Variants in ARL13A observed in about 807,000 individuals in gnomAD.
ARL13A encodes the protein ADP-ribosylation factor-like protein 13A.
In ARL13A, 16 loss-of-function variants were observed where a neutral mutation model predicts 19.1. That is an observed-to-expected ratio of 0.84 (90% CI 0.57 to 1.27). The LOEUF is 1.27. ARL13A is among the 50% of genes most tolerant of loss of function. The pLI, the probability that ARL13A is intolerant of heterozygous loss-of-function variation, is 0.00. For synonymous variants in ARL13A, 69 were observed against 71.3 expected (o/e 0.97, Z 0.17); for missense variants, 153 against 186.4 (o/e 0.82, Z 1.04).
Position 100,989,608 on chromosome X carries a change from C to CA in ARL13A, c.745-938dup, listed in dbSNP as rs200862950. Among the ~76,000 whole-genome samples the CA allele has an allele frequency of 4.7e-3, 268 of 57,203 alleles. 2 individuals are homozygous for CA. Among genetic ancestry groups the CA allele is most frequent in the Middle Eastern group, 0.013 (1 of 80 alleles). 49.7% of individuals were successfully genotyped at this position (57,203 alleles called of 115,157 possible). A position where few individuals can be genotyped will look rare whatever the true frequency, so the allele number is the denominator to read the frequency against. ...CTGGCAACAGAGCGGGACTCCATCT[C>CA]AAAAAAAAAAAAAAAAGACATTTTC... On this transcript the variant is annotated intron_variant, in intron 7 of 7. Transcript: ENST00000450049.
In ARL13A at chrX:100,987,371, C is replaced by G. The variant is rs750418751; in HGVS notation, c.487-19C>G. On this transcript the variant is annotated intron_variant, in intron 5 of 7. Coordinates refer to ENST00000450049, the MANE Select transcript of ARL13A (RefSeq NM_001162491.2). ...TCCCAGGCTCCAGGTCTGCAGCCTT[C>G]TCTTCTCTTTTGTCACAGGAGCCAT... 7.5e-6 allele frequency: 9 copies of G among 1,207,580 alleles called. No individual in the cohort carries two copies. In the South Asian group the frequency reaches 1.6e-4, roughly 21 times the overall value.
chrX:100,987,038 A>G (rs781350817), intron 5 of ARL13A, 137 bp downstream of exon 5: 1 of 428,578 alleles, frequency 2.3e-6, no homozygotes, highest in African/African-American at 2.5e-5. Flanking sequence ...GTGATTCCTG[A>G]CTTGATGGTG....
At chrX:100,981,547 C>T (rs1014362523) in intron 3 of ARL13A, among the ~76,000 whole-genome samples, 40 of 107,733 alleles carry the variant, frequency 3.7e-4, no homozygotes, top group African/African-American at 1.4e-3. Flanking sequence ...CTCATGCCTG[C>T]AATCCCAGCA....
intron 1 of ARL13A, 117 bp from the exon 2 acceptor site, chrX:100,973,559 C>A: frequency 1.1e-6 from 1 of 942,127 alleles, no homozygotes; most frequent in Non-Finnish European, 1.5e-6. Context: ...AAGTAATAGA[C>A]TTCTAACAAT....
intron 3 of ARL13A, among the ~76,000 whole-genome samples, chrX:100,984,236 C>T (rs1324393218): frequency 1.8e-5 from 2 of 110,064 alleles, no homozygotes; most frequent in Non-Finnish European, 3.8e-5. Context: ...GCCTCAGCCT[C>T]TCAGGTAGCT....
In ARL13A at chrX:100,987,424, G is replaced by A. The variant is rs1005720034; in HGVS notation, c.521G>A (p.Arg174Lys). The A allele has an allele frequency of 6.6e-6, 8 of 1,208,995 alleles. No individual in the cohort carries two copies. The highest frequency in any genetic ancestry group is 1.8e-5 in the African/African-American group (1 of 57,064). Residue 174 changes from arginine (R) to lysine (K), a missense_variant, in exon 6 of 8, where the codon AGA becomes AAA. Physicochemically the swap from Arg to Lys is conservative, Grantham distance 26. Coordinates refer to ENST00000450049, the MANE Select transcript of ARL13A (RefSeq NM_001162491.2). ...TCAGCCATCAGAAACCTTGAAAGAA[G>A]AAACCATCAGCCCATAGTTGAAGGA... ...PCSAIRNLER[R>K]NHQPIVEGLR... is the part of the protein sequence containing the mutation.
intron 3 of ARL13A, among the ~76,000 whole-genome samples, chrX:100,980,731 C>T (rs2085840230): frequency 1.8e-5 from 2 of 111,726 alleles, no homozygotes; most frequent in Admixed American, 1.9e-4. Context: ...AGGTCTTGGC[C>T]AAGGCCCATG....
chrX:100,974,397 C>T (rs1012716302), intron 3 of ARL13A, among the ~76,000 whole-genome samples, 200 bp downstream of exon 3: 1 of 109,826 alleles, frequency 9.1e-6, no homozygotes, highest in Non-Finnish European at 1.9e-5. Flanking sequence ...CCTTCCCTCC[C>T]TCCCTTCCCC....
At chrX:100,989,383 G>A (rs1236061096) in intron 7 of ARL13A, among the ~76,000 whole-genome samples, 2 of 110,189 alleles carry the variant, frequency 1.8e-5, no homozygotes, top group South Asian at 3.9e-4. Context: ...AGGCTGAGGC[G>A]GGCGGATCAT....
intron 7 of ARL13A, chrX:100,988,698 G>A (rs2085971379): frequency 2.8e-6 from 1 of 356,767 alleles, no homozygotes; most frequent in Admixed American, 7.0e-5. Context: ...CTTCCTGTAG[G>A]AAGGGTGCTT....
At chrX:100,975,593 C>T (rs1451458664) in intron 3 of ARL13A, among the ~76,000 whole-genome samples, 4 of 109,495 alleles carry the variant, frequency 3.7e-5, no homozygotes, top group Non-Finnish European at 7.6e-5. Context: ...TCCCCCATTC[C>T]GCCATTCACC....
chrX:100,980,889 G>T (rs980413957), intron 3 of ARL13A, among the ~76,000 whole-genome samples: 1 of 111,699 alleles, frequency 9.0e-6, no homozygotes, highest in Admixed American at 9.5e-5. Context: ...AAATGTCATC[G>T]GGGAGCCATG....
chrX:100,979,420 T>A (rs758694288), intron 3 of ARL13A, among the ~76,000 whole-genome samples: 1 of 112,138 alleles, frequency 8.9e-6, no homozygotes, highest in South Asian at 3.7e-4. Flanking sequence ...GATAAAAGTT[T>A]TTTTCCTTGA....
chrX:100,979,538 C>CA (rs778636048), intron 3 of ARL13A, among the ~76,000 whole-genome samples: 43 of 111,889 alleles, frequency 3.8e-4, no homozygotes, highest in Admixed American at 5.7e-4. Context: ...TGACCTTCCT[C>CA]AAAACAACTA....
chrX:100,976,413 G>A (rs1322640193), intron 3 of ARL13A, among the ~76,000 whole-genome samples: 1 of 109,507 alleles, frequency 9.1e-6, no homozygotes, highest in Middle Eastern at 4.7e-3. Context: ...AATACCTGGG[G>A]GATTATTCAT....
chrX:100,974,024 C>A, intron 2 of ARL13A, 103 bp from the exon 3 acceptor site: 1 of 686,640 alleles, frequency 1.5e-6, no homozygotes. Context: ...ATTGAGATTA[C>A]TGCAGGCAGA....
At chrX:100,990,326 C>T (rs2086001364) in intron 7 of ARL13A, 1 of 905,384 alleles carries the variant, frequency 1.1e-6, no homozygotes, top group African/African-American at 2.1e-5. Context: ...TCTCTTTTTA[C>T]TTTCAACAGA....
At chrX:100,972,380 C>T (rs1339448704) in intron 1 of ARL13A, among the ~76,000 whole-genome samples, 90 of 95,635 alleles carry the variant, frequency 9.4e-4, no homozygotes, top group African/African-American at 3.0e-3. Flanking sequence ...ACCTCCCTCC[C>T]GGACGGGGCG....
chrX:100,981,107 C>T (rs933646637), intron 3 of ARL13A, among the ~76,000 whole-genome samples: 8 of 111,661 alleles, frequency 7.2e-5, no homozygotes, highest in African/African-American at 2.6e-4. Flanking sequence ...CCCCCTGAGT[C>T]CTTGGCTCCA....
Sources: gnomAD v4.1 joint callset for allele counts (sites outside exome capture counted in the v4.1 genomes callset) on GRCh38, gnomAD v4.1.1 for gene constraint, MANE v1.5 for transcripts, NCBI Gene and HGNC (gene_info 2026-07-23, HGNC 2026-07-21) for gene names.